Variants in QRICH1 observed in about 807,000 individuals in gnomAD.
QRICH1 encodes transcriptional regulator QRICH1.
A neutral mutation model predicts 87.1 loss-of-function variants in QRICH1; 16 were observed. That is an observed-to-expected ratio of 0.18 (90% CI 0.12 to 0.28). The LOEUF (loss-of-function observed/expected upper bound fraction) is 0.28, where lower values mean the gene tolerates loss of function less well. QRICH1 is among the 10% of genes least tolerant of loss of function. The pLI is 1.00. For synonymous variants in QRICH1, 367 were observed against 368.4 expected (o/e 1.00, Z 0.05); for missense variants, 647 against 951.7 (o/e 0.68, Z 4.21).
intron 2 of QRICH1, among the ~76,000 whole-genome samples, chr3:49,069,979 C>CA (rs747864394): frequency 1.3e-4 from 20 of 152,048 alleles, no homozygotes; most frequent in Non-Finnish European, 2.6e-4. Flanking sequence ...CAGCTTAGGG[C>CA]ACTCTAAGAA....
At chr3:49,075,812 C>T (rs1274462809) in intron 2 of QRICH1, among the ~76,000 whole-genome samples, 1 of 152,060 alleles carries the variant, frequency 6.6e-6, no homozygotes, top group African/African-American at 2.4e-5. Context: ...GGTGGTAGTG[C>T]ACACCTGTAG....
chr3:49,092,878 T>C (rs1312172762), intron 1 of QRICH1, among the ~76,000 whole-genome samples: 1 of 152,244 alleles, frequency 6.6e-6, no homozygotes, highest in Admixed American at 6.5e-5. Flanking sequence ...TTCCATTTTG[T>C]TTAAGGCCAA....
rs975567978 is a variant in QRICH1, at chr3:49,090,916, G to A, written c.-22+2996C>T. ...ATCTGGAACAAAATGCAGTACAACA[G>A]AATAACAGAAAAGAACAGGTAATAG... On this transcript the variant is annotated intron_variant, in intron 1 of 9. Coordinates refer to ENST00000395443, the MANE Select transcript of QRICH1 (RefSeq NM_198880.3). 3.3e-5 allele frequency among the ~76,000 whole-genome samples: 5 copies of A among 152,152 alleles called. No individual in the cohort carries two copies. The South Asian group carries it at 8.3e-4, about 25-fold the overall frequency.
chr3:49,077,982 A>G (rs1435982117), intron 1 of QRICH1, among the ~76,000 whole-genome samples: 2 of 152,224 alleles, frequency 1.3e-5, no homozygotes, highest in African/African-American at 2.4e-5. Flanking sequence ...ATCTGAGGGA[A>G]AAGTGTGCAA....
intron 2 of QRICH1, among the ~76,000 whole-genome samples, chr3:49,059,691 G>A (rs1432174102): frequency 6.6e-6 from 1 of 150,648 alleles, no homozygotes; most frequent in African/African-American, 2.4e-5. Context: ...CAAAGTGCTG[G>A]GATTACAGGC....
intron 1 of QRICH1, among the ~76,000 whole-genome samples, chr3:49,082,206 G>A (rs754209465): frequency 1.4e-4 from 21 of 152,190 alleles, no homozygotes; most frequent in Non-Finnish European, 2.6e-4. Flanking sequence ...CAAAGTGCTA[G>A]GATTACAGGC....
chr3:49,059,940 A>G (rs2093425424), intron 2 of QRICH1, among the ~76,000 whole-genome samples: 1 of 148,746 alleles, frequency 6.7e-6, no homozygotes, highest in Non-Finnish European at 1.5e-5. Flanking sequence ...GCTAGAGTGC[A>G]GTGGTGCGAT....
At chr3:49,069,367 G>A (rs982970066) in intron 2 of QRICH1, among the ~76,000 whole-genome samples, 1 of 151,708 alleles carries the variant, frequency 6.6e-6, no homozygotes, top group African/African-American at 2.4e-5. Context: ...CTCCCAAAGT[G>A]CTGGGATTAG....
chr3:49,089,592 A>G (rs1249122688), intron 1 of QRICH1, among the ~76,000 whole-genome samples: 1 of 152,220 alleles, frequency 6.6e-6, no homozygotes, highest in Non-Finnish European at 1.5e-5. Flanking sequence ...AGCAACCCAG[A>G]TATCTATCAA....
chr3:49,030,044 G>A lies in QRICH1; in HGVS notation c.*408C>T. On this transcript the variant is annotated 3_prime_UTR_variant, in exon 10 of 10. Transcript: ENST00000395443. ...AAAGAAAAGAACATCGTTCCCCTGTGGTCAGCAAAGTCTGTCAGCCCAGTG... is the reference window on the plus strand; with the variant it reads ...AAAGAAAAGAACATCGTTCCCCTGTAGTCAGCAAAGTCTGTCAGCCCAGTG... The A allele has an allele frequency of 6.8e-6, 2 of 293,488 alleles. No individual in the cohort carries two copies. Among genetic ancestry groups the A allele is most frequent in the Non-Finnish European group, 1.3e-5 (2 of 159,580 alleles). 18.2% of individuals were successfully genotyped at this position (293,488 alleles called of 1,614,324 possible).
At position 49,030,105 on chromosome 3, in the gene QRICH1, C is replaced by T; in HGVS notation, c.*347G>A. On this transcript the variant is annotated 3_prime_UTR_variant, in exon 10 of 10. Transcript: ENST00000395443. ...GGGGAGATTCCCTCCAGGGTCCATCCATCATTAATTCCATCTCTCTTGAAG... is the reference window on the plus strand; with the variant it reads ...GGGGAGATTCCCTCCAGGGTCCATCTATCATTAATTCCATCTCTCTTGAAG... The T allele has an allele frequency of 2.6e-6, 1 of 378,794 alleles. No individual in the cohort carries two copies. 23.5% of individuals were successfully genotyped at this position (378,794 alleles called of 1,614,324 possible). A position where few individuals can be genotyped will look rare whatever the true frequency, so the allele number is the denominator to read the frequency against.
chr3:49,047,106 T>C lies in QRICH1; in HGVS notation c.1479A>G (p.Leu493=), dbSNP rs770190545. 40 of 1,614,062 alleles carry C rather than the reference T, an allele frequency of 2.5e-5. No individual in the cohort carries two copies. Among genetic ancestry groups the C allele is most frequent in the African/African-American group, 5.3e-5 (4 of 74,922 alleles). Residue 493 remains leucine (L), a synonymous_variant, in exon 4 of 10, where the codon CTA becomes CTG. Coordinates refer to ENST00000395443, the MANE Select transcript of QRICH1 (RefSeq NM_198880.3). ...KNWAQTKNAE[L]EKDAQNRLAP... ...CCAATCTGTTCTGAGCATCCTTCTC[T>C]AGTTCAGCATTCTTGGTCTGGGCCC...
At chr3:49,080,226 G>A (rs2042032106) in intron 1 of QRICH1, among the ~76,000 whole-genome samples, 1 of 152,034 alleles carries the variant, frequency 6.6e-6, no homozygotes. Context: ...GAGCAGCAGA[G>A]GTCAGCTGGA....
intron 5 of QRICH1, among the ~76,000 whole-genome samples, 190 bp downstream of exon 5, chr3:49,046,235 A>G (rs1184721264): frequency 6.6e-6 from 1 of 151,694 alleles, no homozygotes; most frequent in Non-Finnish European, 1.5e-5. Flanking sequence ...GTTATTTTCT[A>G]AAGTGAACGT....
intron 1 of QRICH1, among the ~76,000 whole-genome samples, chr3:49,085,045 A>C (rs972269635): frequency 6.6e-6 from 1 of 151,726 alleles, no homozygotes; most frequent in African/African-American, 2.4e-5. Context: ...CGGGAGGCTG[A>C]GGCAGGAGAA....
chr3:49,036,488 A>G (rs1192675314), intron 6 of QRICH1, among the ~76,000 whole-genome samples: 2 of 152,218 alleles, frequency 1.3e-5, no homozygotes, highest in East Asian at 1.9e-4. Flanking sequence ...TTAGGGGTCA[A>G]TTTAAAGAGG....
chr3:49,045,897 A>ATT (rs1029036645), intron 5 of QRICH1, among the ~76,000 whole-genome samples: 1 of 147,198 alleles, frequency 6.8e-6, no homozygotes, highest in Non-Finnish European at 1.5e-5. Context: ...CCTGGCTCTT[A>ATT]TTTTTTTTCT....
At chr3:49,056,653 A>C in intron 3 of QRICH1, 1 of 899,548 alleles carries the variant, frequency 1.1e-6, no homozygotes, top group East Asian at 2.5e-5. Flanking sequence ...ATTCCTGGCC[A>C]TCTCATTTAC....
chr3:49,070,632 A>C (rs1446455525), intron 2 of QRICH1, among the ~76,000 whole-genome samples: 1 of 151,918 alleles, frequency 6.6e-6, no homozygotes, highest in East Asian at 1.9e-4. Context: ...ATGAGGTTTT[A>C]CCATGTTTCC....
Sources: allele counts gnomAD v4.1 joint callset (sites outside exome capture counted in the v4.1 genomes callset), GRCh38; gene constraint gnomAD v4.1.1; transcripts MANE v1.5; gene names NCBI Gene and HGNC (gene_info 2026-07-23, HGNC 2026-07-21).